GRIK5: variants seen among roughly 807,000 people sequenced by gnomAD.
GRIK5 encodes glutamate ionotropic receptor kainate type subunit 5, also known as glutamate receptor ionotropic, kainate 5.
In GRIK5, 43 loss-of-function variants were observed where a neutral mutation model predicts 97.4. The observed-to-expected ratio is 0.44, with a 90% CI of 0.35 to 0.57. The LOEUF (loss-of-function observed/expected upper bound fraction) is 0.57, where lower values mean the gene tolerates loss of function less well. Ranked by LOEUF, GRIK5 falls within the 20% of genes least tolerant of loss-of-function variation. The pLI, the probability that GRIK5 is intolerant of heterozygous loss-of-function variation, is 0.01. For missense variants in GRIK5, 1,015 were observed against 1,382.0 expected, an observed-to-expected ratio of 0.73 and a Z score of 4.21; for synonymous variants, 580 against 583.5, an observed-to-expected ratio of 0.99 and a Z score of 0.09.
intron 15 of GRIK5, among the ~76,000 whole-genome samples, chr19:42,014,124 T>C (rs1281553434): frequency 1.3e-5 from 2 of 151,824 alleles, no homozygotes; most frequent in East Asian, 3.9e-4. Flanking sequence ...CCAGACACGG[T>C]GGCTCACACC....
intron 12 of GRIK5, among the ~76,000 whole-genome samples, chr19:42,025,534 A>C (rs1347888548): frequency 1.3e-5 from 2 of 152,076 alleles, no homozygotes; most frequent in African/African-American, 4.8e-5. Context: ...TCTCCCTGAC[A>C]CTGCTCCACA....
At position 42,021,306 on chromosome 19, in the gene GRIK5, T is replaced by C. The variant is rs1379132957; in HGVS notation, c.1866A>G (p.Gly622=). The change falls in exon 15 of 20, where the codon GGA becomes GGG. Residue 622 remains glycine, a synonymous_variant. Coordinates refer to ENST00000593562, the MANE Select transcript of GRIK5 (RefSeq NM_002088.5). This position sits in a 1 kb window ranked among gnomAD's most constrained non-coding sequence, Gnocchi z 4.2. Reference sequence around the variant, plus strand: ...GCAGATAGAAAGCTTCTCACCAGACTCCGCTGACACAGCGCGTGGACAGCG... The same window carrying C: ...GCAGATAGAAAGCTTCTCACCAGACCCCGCTGACACAGCGCGTGGACAGCG... ...PRALSTRCVS[G]VWWAFTLIII... 1 of 1,611,550 alleles carries C rather than the reference T, an allele frequency of 6.2e-7. No individual in the cohort carries two copies. The highest frequency in any genetic ancestry group is 1.3e-5 in the African/African-American group (1 of 74,874).
intron 6 of GRIK5, among the ~76,000 whole-genome samples, chr19:42,058,326 G>A (rs920295936): frequency 1.3e-5 from 2 of 151,312 alleles, no homozygotes; most frequent in South Asian, 2.1e-4. Context: ...GACTACAGGC[G>A]CCCGCCACCA....
At chr19:42,054,586 G>A (rs1328955009) in intron 8 of GRIK5, 114 bp from the exon 9 acceptor site, 1 of 1,235,038 alleles carries the variant, frequency 8.1e-7, no homozygotes, top group Non-Finnish European at 1.1e-6. Flanking sequence ...CTCTCCCCAG[G>A]AATGGGAAAC....
intron 19 of GRIK5, chr19:42,001,902 A>G: frequency 1.8e-6 from 1 of 563,166 alleles, no homozygotes; most frequent in African/African-American, 1.9e-5. Flanking sequence ...CAAGTAGTGG[A>G]GAAAGACCGA....
chr19:42,013,909 A>G (rs1187667082), intron 15 of GRIK5, among the ~76,000 whole-genome samples: 4 of 151,264 alleles, frequency 2.6e-5, no homozygotes, highest in African/African-American at 9.7e-5. Flanking sequence ...CACACCTGTG[A>G]TCCCAGATAC....
At chr19:42,055,082 T>C (rs1377350736) in intron 8 of GRIK5, among the ~76,000 whole-genome samples, 1 of 152,230 alleles carries the variant, frequency 6.6e-6, no homozygotes, top group African/African-American at 2.4e-5. Context: ...TACCTTCATG[T>C]GCTGTTACGG....
In GRIK5 at chr19:42,062,709, C is replaced by T; in HGVS notation, c.342+49G>A. 5 of 1,612,748 alleles carry T rather than the reference C, an allele frequency of 3.1e-6. No homozygotes were observed. The highest frequency in any genetic ancestry group is 4.2e-6 in the Non-Finnish European group (5 of 1,178,784). ...CTGCTTCTCCGCCCAGCCCTCGCCT[C>T]CCAGGGACCCGCTCCCCACAAAGCG... On this transcript the variant is annotated intron_variant, in intron 4 of 19. Transcript: ENST00000593562. This position sits in a 1 kb window ranked among gnomAD's most constrained non-coding sequence, Gnocchi z 5.3.
Position 42,042,543 on chromosome 19 carries a change from C to T in GRIK5, c.1473+9G>A. The T allele has an allele frequency of 1.2e-6, 2 of 1,601,698 alleles. No individual in the cohort carries two copies. Among genetic ancestry groups the T allele is most frequent in the Non-Finnish European group, 1.7e-6 (2 of 1,174,326 alleles). On this transcript the variant is annotated intron_variant, in intron 12 of 19. Coordinates refer to ENST00000593562, the MANE Select transcript of GRIK5 (RefSeq NM_002088.5). This position sits in a 1 kb window ranked among gnomAD's most constrained non-coding sequence, Gnocchi z 6.9. Reference sequence around the variant, plus strand: ...CCATGCATCTTTCCCGGCCCCAGTCCAGCCATACCCGGTTGATGAGCTCGC... The same window carrying T: ...CCATGCATCTTTCCCGGCCCCAGTCTAGCCATACCCGGTTGATGAGCTCGC...
At chr19:42,061,908 T>C (rs2146174695) in intron 5 of GRIK5, among the ~76,000 whole-genome samples, 1 of 152,324 alleles carries the variant, frequency 6.6e-6, no homozygotes, top group African/African-American at 2.4e-5. Context: ...ATGGCTCCCA[T>C]CATCTCTTGC....
intron 12 of GRIK5, among the ~76,000 whole-genome samples, chr19:42,029,891 C>A (rs1264946146): frequency 6.6e-6 from 1 of 152,182 alleles, no homozygotes; most frequent in Non-Finnish European, 1.5e-5. Context: ...AATGTCACAT[C>A]ATCAACCAAA....
intron 12 of GRIK5, among the ~76,000 whole-genome samples, chr19:42,040,763 A>C (rs2075968190): frequency 6.6e-6 from 1 of 152,150 alleles, no homozygotes. Context: ...CCGAGGCAGG[A>C]GAATCGCTTG....
intron 15 of GRIK5, among the ~76,000 whole-genome samples, chr19:42,015,105 A>G (rs1363600072): frequency 1.3e-5 from 2 of 152,240 alleles, no homozygotes; most frequent in African/African-American, 4.8e-5. Context: ...CCTAGAGGAC[A>G]TAAGAGTCCT....
intron 12 of GRIK5, among the ~76,000 whole-genome samples, chr19:42,026,139 C>T (rs1012574296): frequency 6.6e-6 from 1 of 152,128 alleles, no homozygotes; most frequent in Non-Finnish European, 1.5e-5. Flanking sequence ...GTGCGAGCCA[C>T]TACGCCTGAC....
At chr19:42,063,560 C>G (rs1031830182) in intron 3 of GRIK5, 3 of 328,170 alleles carry the variant, frequency 9.1e-6, no homozygotes, top group African/African-American at 6.5e-5. Context: ...CAAATCAGAC[C>G]ATGGAGCACC....
chr19:42,036,883 G>T (rs1170596027), intron 12 of GRIK5, among the ~76,000 whole-genome samples: 1 of 152,206 alleles, frequency 6.6e-6, no homozygotes, highest in Non-Finnish European at 1.5e-5. Flanking sequence ...TCTATGACCT[G>T]TGCTGATCTC....
Position 42,065,480 on chromosome 19 carries a change from G to A in GRIK5, c.80-93C>T. ...ACTCCAGGGCTCTAGGGTGAGGTGG[G>A]TATACGGACCAGGGGTCTAGACACC... On this transcript the variant is annotated intron_variant, in intron 2 of 19. Transcript: ENST00000593562. This position sits in a 1 kb window ranked among gnomAD's most constrained non-coding sequence, Gnocchi z 5.8. 2.3e-6 allele frequency: 3 copies of A among 1,326,714 alleles called. No individual in the cohort carries two copies. Among genetic ancestry groups the A allele is most frequent in the Non-Finnish European group, 3.1e-6 (3 of 972,840 alleles). 82.2% of individuals were successfully genotyped at this position (1,326,714 alleles called of 1,614,324 possible).
At position 42,005,936 on chromosome 19, in the gene GRIK5, G is replaced by A. The variant is rs1143143; in HGVS notation, c.2050C>T (p.Gln684Ter). ...TMTFFQNSRYQTYQRMWNYMQ... is the reference protein window; with the variant it reads ...TMTFFQNSRY ...TAGTTCCACATGCGCTGGTACGTTTGGTACCGTGAATTCTGGGCAGGAGGA... is the reference window on the plus strand; with the variant it reads ...TAGTTCCACATGCGCTGGTACGTTTAGTACCGTGAATTCTGGGCAGGAGGA... Residue 684 changes from glutamine (Q) to a stop codon, truncating the protein, a stop_gained, in exon 17 of 20, where the codon CAA becomes TAA. Transcript: ENST00000593562. LOFTEE classifies it high-confidence loss of function. The A allele has an allele frequency of 6.4e-7, 1 of 1,558,990 alleles. No homozygotes were observed. The highest frequency in any genetic ancestry group is 1.1e-5 in the South Asian group (1 of 87,702).
Position 41,999,083 on chromosome 19 carries a change from C to A in GRIK5, c.2731G>T (p.Asp911Tyr). Residue 911 changes from aspartate (D) to tyrosine (Y), a missense_variant, in exon 20 of 20, where the codon GAC becomes TAC. This residue lies in a region of GRIK5 where 109 missense variants were observed against 100.4 expected (regional missense o/e 1.09). Transcript: ENST00000593562. This position sits in a 1 kb window ranked among gnomAD's most constrained non-coding sequence, Gnocchi z 5.0. ...SAHGGPQRLLDDPGPPSGARP... is the reference protein window; with the variant it reads ...SAHGGPQRLLYDPGPPSGARP... ...GCTCCGCTGGGGGGCCCCGGGTCGT[C>A]CAGGAGGCGCTGCGGGCCCCCGTGC... 7.5e-7 allele frequency: 1 copy of A among 1,327,478 alleles called. No individual in the cohort carries two copies. Among genetic ancestry groups the A allele is most frequent in the Non-Finnish European group, 9.6e-7 (1 of 1,045,116 alleles). The allele number at this position is 1,327,478 out of a possible 1,614,324, so 82.2% of individuals were successfully genotyped here. A position where few individuals can be genotyped will look rare whatever the true frequency, so the allele number is the denominator to read the frequency against.
Sources: gnomAD v4.1 joint callset for allele counts (sites outside exome capture counted in the v4.1 genomes callset) on GRCh38, gnomAD v4.1.1 for gene constraint, gnomAD v4.1.1 regional missense constraint, Gnocchi (gnomAD v3.1) non-coding constraint, MANE v1.5 for transcripts, NCBI Gene and HGNC (gene_info 2026-07-23, HGNC 2026-07-21) for gene names.